The following GABPB2 variants were observed in gnomAD, a reference collection of about 807,000 sequenced individuals.
The protein encoded by GABPB2 is GA binding protein transcription factor subunit beta 2.
A neutral mutation model predicts 39.1 loss-of-function variants in GABPB2; 23 were observed. The observed-to-expected ratio is 0.59, with a 90% CI of 0.42 to 0.83. The LOEUF (loss-of-function observed/expected upper bound fraction) is 0.83. Among genes scored for constraint, GABPB2 ranks in the 40% least tolerant of loss-of-function variants. The probability of loss-of-function intolerance (pLI) is 0.00; values close to 1 mark genes in which losing one functional copy is unlikely to be tolerated. For synonymous variants in GABPB2, 184 were observed against 199.3 expected, an observed-to-expected ratio of 0.92 and a Z score of 0.65; for missense variants, 467 against 541.1, an observed-to-expected ratio of 0.86 and a Z score of 1.36.
At chr1:151,084,538 T>G (rs920221672) in intron 1 of GABPB2, among the ~76,000 whole-genome samples, 1 of 144,868 alleles carries the variant, frequency 6.9e-6, no homozygotes, top group Non-Finnish European at 1.5e-5. Flanking sequence ...AGCTGTTTTT[T>G]TTTTTTTTTT....
chr1:151,088,399 T>C (rs1678384045), intron 2 of GABPB2, 102 bp downstream of exon 2: 1 of 1,241,256 alleles, frequency 8.1e-7, no homozygotes, highest in South Asian at 1.3e-5. Flanking sequence ...ACTCCCTTTC[T>C]ACCTCATATC....
chr1:151,081,749 C>T (rs150860763), intron 1 of GABPB2, among the ~76,000 whole-genome samples: 1,647 of 152,080 alleles, frequency 0.011, 43 homozygotes, highest in African/African-American at 0.038. Flanking sequence ...ATTCTTCCGC[C>T]TCAGCCTCCC....
chr1:151,076,656 C>T (rs1259621154), intron 1 of GABPB2, among the ~76,000 whole-genome samples: 2 of 152,050 alleles, frequency 1.3e-5, no homozygotes, highest in African/African-American at 4.8e-5. Context: ...TCTCGAACAC[C>T]TGACCTCAGG....
At chr1:151,115,085 A>G (rs1680754823) in intron 7 of GABPB2, among the ~76,000 whole-genome samples, 2 of 152,106 alleles carry the variant, frequency 1.3e-5, no homozygotes, top group Non-Finnish European at 2.9e-5. Context: ...GCTGGGTCAT[A>G]AGGTAAGTGT....
chr1:151,103,592 C>T lies in GABPB2; in HGVS notation c.653C>T (p.Ser218Leu). Residue 218 changes from serine (S) to leucine (L), a missense_variant, in exon 6 of 9, where the codon TCA (serine) becomes TTA (leucine). Physicochemically the swap from Ser to Leu is moderately radical, Grantham distance 145. Coordinates refer to ENST00000368918, the MANE Select transcript of GABPB2 (RefSeq NM_144618.3). ...CCCCATGCCTCAACAGTACAGTTTT[C>T]AAATTCTACCACCTCAGTGCTGGCT... ...GDPHASTVQF[S>L]NSTTSVLATL... 6.2e-7 allele frequency: 1 copy of T among 1,614,078 alleles called. No individual in the cohort carries two copies. The highest frequency in any genetic ancestry group is 1.1e-5 in the South Asian group (1 of 91,080).
chr1:151,102,470 T>A (rs908199662), intron 5 of GABPB2, among the ~76,000 whole-genome samples: 1 of 152,020 alleles, frequency 6.6e-6, no homozygotes, highest in Non-Finnish European at 1.5e-5. Flanking sequence ...TGAGATGGAG[T>A]CTTTCTCTGT....
chr1:151,091,021 AAAAC>A (rs930804003), intron 3 of GABPB2, among the ~76,000 whole-genome samples: 7 of 146,392 alleles, frequency 4.8e-5, no homozygotes, highest in Non-Finnish European at 1.0e-4. Context: ...ACAAAACAAA[AAAAC>A]AAAAAAACAA....
chr1:151,088,534 A>AT, intron 2 of GABPB2: 2 of 997,646 alleles, frequency 2.0e-6, no homozygotes, highest in Non-Finnish European at 2.8e-6. Flanking sequence ...TATACTTGTG[A>AT]TTTTCTATAA....
Position 151,090,546 on chromosome 1 carries a change from T to G in GABPB2, c.249T>G (p.His83Gln), listed in dbSNP as rs1678581481. 1.2e-6 allele frequency: 2 copies of G among 1,613,988 alleles called. No individual in the cohort carries two copies. Among genetic ancestry groups the G allele is most frequent in the Non-Finnish European group, 1.7e-6 (2 of 1,179,940 alleles). Reference protein sequence around the residue: ...TPLHMAAADGHAHIVELLVRN... With the variant: ...TPLHMAAADGQAHIVELLVRN... ...TGCACATGGCTGCAGCCGATGGACA[T>G]GCGCACATCGTGGAACTGCTTGTTC... The change falls in exon 3 of 9, where the codon CAT becomes CAG. Residue 83 changes from histidine (H) to glutamine (Q), a missense_variant. Physicochemically the swap from His to Gln is conservative, Grantham distance 24. Transcript: ENST00000368918.
Position 151,090,996 on chromosome 1 carries a change from T to TCAAAA in GABPB2, c.276+444_276+448dup, listed in dbSNP as rs763965098. On this transcript the variant is annotated intron_variant, in intron 3 of 8. Transcript: ENST00000368918. ...CTGGACAACAGAGCAAGAATCCGTC[T>TCAAAA]CAAAACAAAACAAAACAAAACAAAA... is the stretch of plus-strand genomic sequence containing the variant. 1.5e-3 allele frequency among the ~76,000 whole-genome samples: 221 copies of TCAAAA among 148,642 alleles called. 1 individual carries two copies. Among genetic ancestry groups the TCAAAA allele is most frequent in the African/African-American group, 5.1e-3 (203 of 40,134 alleles).
Position 151,117,481 on chromosome 1 carries a change from A to G in GABPB2, c.1012A>G (p.Ile338Val). Residue 338 changes from isoleucine to valine, a missense_variant, in exon 8 of 9, where the codon ATA (isoleucine) becomes GTA (valine). Coordinates refer to ENST00000368918, the MANE Select transcript of GABPB2 (RefSeq NM_144618.3). ...EKLPLTKKPR[I>V]GEKTNSVEES... ...GTTGCCACTAACAAAGAAACCAAGG[A>G]TAGGAGAGAAGACAAACAGTGTGGA... is the stretch of plus-strand genomic sequence containing the variant. 6.2e-7 allele frequency: 1 copy of G among 1,614,062 alleles called. No homozygotes were observed. Among genetic ancestry groups the G allele is most frequent in the Non-Finnish European group, 8.5e-7 (1 of 1,179,982 alleles).
intron 2 of GABPB2, 79 bp from the exon 3 acceptor site, chr1:151,090,327 C>A: frequency 1.5e-6 from 2 of 1,292,064 alleles, no homozygotes; most frequent in East Asian, 2.4e-5. Flanking sequence ...AGAACCATAG[C>A]TTGTTCATTT....
Position 151,097,835 on chromosome 1 carries a change from C to T in GABPB2, c.472-17C>T, listed in dbSNP as rs764515068. On this transcript the variant is annotated splice_polypyrimidine_tract_variant and intron_variant, in intron 4 of 8. Coordinates refer to ENST00000368918, the MANE Select transcript of GABPB2 (RefSeq NM_144618.3). ...CTAATAAGTGTTCTGATTGAAATATCCTGCCTTGTTTGATAGGAAGCAATG... is the reference window on the plus strand; with the variant it reads ...CTAATAAGTGTTCTGATTGAAATATTCTGCCTTGTTTGATAGGAAGCAATG... 1.9e-6 allele frequency: 3 copies of T among 1,609,412 alleles called. No individual in the cohort carries two copies. Among genetic ancestry groups the T allele is most frequent in the East Asian group, 4.5e-5 (2 of 44,836 alleles).
intron 6 of GABPB2, among the ~76,000 whole-genome samples, chr1:151,104,926 A>G (rs1279254573): frequency 6.8e-6 from 1 of 147,118 alleles, no homozygotes; most frequent in Non-Finnish European, 1.5e-5. Context: ...CCTTCTTGAG[A>G]CAGAGTCTCA....
chr1:151,088,117 T>G, intron 1 of GABPB2, 73 bp from the exon 2 acceptor site: 2 of 1,052,296 alleles, frequency 1.9e-6, no homozygotes, highest in Non-Finnish European at 2.9e-6. Context: ...AGAAGTCTTC[T>G]AAAAAATGTA....
In GABPB2 at chr1:151,114,342, CATAATAAATAAATAAAT is replaced by C. The variant is rs538188653; in HGVS notation, c.923-3048_923-3032del. On this transcript the variant is annotated intron_variant, in intron 7 of 8. Coordinates refer to ENST00000368918, the MANE Select transcript of GABPB2 (RefSeq NM_144618.3). ...TGGGTAACAGAGTGAGACTCTGTCT[CATAATAAATAAATAAAT>C]AAATAAATAAAGCATTATGAACACC... Among the ~76,000 whole-genome samples, 605 of 151,000 alleles carry C rather than the reference CATAATAAATAAATAAAT, an allele frequency of 4.0e-3. 9 individuals are homozygous for C. The highest frequency in any genetic ancestry group is 0.014 in the African/African-American group (583 of 41,076).
chr1:151,104,299 G>A lies in GABPB2; in HGVS notation c.736+624G>A, dbSNP rs587608583. 1.2e-4 allele frequency among the ~76,000 whole-genome samples: 18 copies of A among 152,290 alleles called. No individual in the cohort carries two copies. In the South Asian group the frequency reaches 3.7e-3, roughly 32 times the overall value. ...GCAGGGGCATATAGTCATAGTTAGG[G>A]CTCAGTAGACATTTAGAAATCTGTC... On this transcript the variant is annotated intron_variant, in intron 6 of 8. Coordinates refer to ENST00000368918, the MANE Select transcript of GABPB2 (RefSeq NM_144618.3).
In GABPB2 at chr1:151,095,734, A is replaced by C. The variant is rs147602821; in HGVS notation, c.472-2118A>C. 1.2e-4 allele frequency among the ~76,000 whole-genome samples: 18 copies of C among 152,232 alleles called. No individual in the cohort carries two copies. In the East Asian group the frequency reaches 3.1e-3, roughly 26 times the overall value. ...TAGTGGAGGATAAAGGAAAAGGGCA[A>C]ATTCAAGAAGGAATTTAGGCCAGGC... On this transcript the variant is annotated intron_variant, in intron 4 of 8. Transcript: ENST00000368918.
intron 4 of GABPB2, among the ~76,000 whole-genome samples, chr1:151,097,241 C>T (rs1156695725): frequency 6.6e-6 from 1 of 151,770 alleles, no homozygotes; most frequent in African/African-American, 2.4e-5. Flanking sequence ...ATGAAAAAAA[C>T]AAGATTCATA....
Sources: allele counts gnomAD v4.1 joint callset (sites outside exome capture counted in the v4.1 genomes callset), GRCh38; gene constraint gnomAD v4.1.1; transcripts MANE v1.5; gene names NCBI Gene and HGNC (gene_info 2026-07-23, HGNC 2026-07-21).